The following TRIO variants were observed in gnomAD, a reference collection of about 807,000 sequenced individuals.
The protein encoded by TRIO is triple functional domain protein.
TRIO carries 58 observed loss-of-function variants against 351.9 expected under a neutral mutation model. The ratio of observed to expected loss-of-function variants is 0.16; its 90% CI spans 0.13 to 0.21. TRIO has a LOEUF of 0.21. Ranked by LOEUF, TRIO falls within the 10% of genes least tolerant of loss-of-function variation. The pLI, the probability that TRIO is intolerant of heterozygous loss-of-function variation, is 1.00. For synonymous variants in TRIO, 1,758 were observed against 1,595.7 expected (o/e 1.10, Z -2.42); for missense variants, 3,201 against 4,027.8 (o/e 0.79, Z 5.56).
chr5:14,364,155 C>A (rs1744395904), intron 14 of TRIO, among the ~76,000 whole-genome samples: 1 of 152,198 alleles, frequency 6.6e-6, no homozygotes, highest in African/African-American at 2.4e-5. Flanking sequence ...GTATCATGAA[C>A]TTTAATTCTA....
At chr5:14,189,688 G>C (rs1790341946) in intron 1 of TRIO, among the ~76,000 whole-genome samples, 1 of 151,556 alleles carries the variant, frequency 6.6e-6, no homozygotes, top group South Asian at 2.1e-4. Context: ...TGGGATTGCT[G>C]AGAGCTGAGG....
Position 14,498,649 on chromosome 5 carries a change from C to T in TRIO, c.8332+9C>T, listed in dbSNP as rs201773906. The T allele has an allele frequency of 5.0e-6, 8 of 1,610,890 alleles. No individual in the cohort carries two copies. In the Middle Eastern group the frequency reaches 4.9e-4, roughly 99 times the overall value. On this transcript the variant is annotated intron_variant, in intron 53 of 56. Transcript: ENST00000344204. ...CAGCCTGAGGGTCCTAGGTAAGCAC[C>T]GTGCAACGAGGATTCTACGTGACCC... is the stretch of plus-strand genomic sequence containing the variant.
At chr5:14,174,214 T>C (rs1789273464) in intron 1 of TRIO, among the ~76,000 whole-genome samples, 1 of 152,184 alleles carries the variant, frequency 6.6e-6, no homozygotes, top group Non-Finnish European at 1.5e-5. Flanking sequence ...CATGCAGAGT[T>C]TGCCCTACGC....
At position 14,158,352 on chromosome 5, in the gene TRIO, G is replaced by A. The variant is rs1395624998; in HGVS notation, c.157+14470G>A. 2.6e-5 allele frequency among the ~76,000 whole-genome samples: 4 copies of A among 151,940 alleles called. No individual in the cohort carries two copies. In the East Asian group the frequency reaches 7.8e-4, roughly 29 times the overall value. On this transcript the variant is annotated intron_variant, in intron 1 of 56. Transcript: ENST00000344204. The stretch of plus-strand genomic sequence containing the variant: ...AGGCAGAAGAAGCGCTTGAACCCGG[G>A]AGGCAGAGGGTGCAGTGAACTGAGA...
In TRIO at chr5:14,390,975, A is replaced by G. The variant is rs1266524907; in HGVS notation, c.4203A>G (p.Ala1401=). ...CTACTCAGCTGATATTGGAACATGCAGGGTCCTATTTTGACGTAAGTAATA... is the reference window on the plus strand; with the variant it reads ...CTACTCAGCTGATATTGGAACATGCGGGGTCCTATTTTGACGTAAGTAATA... ...PDSTQLILEH[A]GSYFDEIQQR... The change falls in exon 27 of 57, where the codon GCA becomes GCG. Residue 1401 remains alanine (A), a synonymous_variant. Coordinates refer to ENST00000344204, the MANE Select transcript of TRIO (RefSeq NM_007118.4). The G allele has an allele frequency of 6.2e-7, 1 of 1,609,620 alleles. No homozygotes were observed. Among genetic ancestry groups the G allele is most frequent in the Non-Finnish European group, 8.5e-7 (1 of 1,178,736 alleles).
Position 14,508,374 on chromosome 5 carries a change from C to A in TRIO, c.9246C>A (p.Ile3082=). 1.2e-6 allele frequency: 2 copies of A among 1,613,648 alleles called. No individual in the cohort carries two copies. The highest frequency in any genetic ancestry group is 1.7e-6 in the Non-Finnish European group (2 of 1,179,790). ...AACACCAGAATGATGTTCGACCTATCCGTAGCATTAAAAACTTTCTGCAGA... is the reference window on the plus strand; with the variant it reads ...AACACCAGAATGATGTTCGACCTATACGTAGCATTAAAAACTTTCTGCAGA... The part of the protein sequence containing the change: ...RRKHQNDVRP[I]RSIKNFLQSR... Residue 3082 remains isoleucine, a synonymous_variant, in exon 57 of 57, where the codon ATC becomes ATA. Coordinates refer to ENST00000344204, the MANE Select transcript of TRIO (RefSeq NM_007118.4).
rs116486345 is a variant in TRIO at position 14,249,071 on chromosome 5, C to A, written c.158-21754C>A. On this transcript the variant is annotated intron_variant, in intron 1 of 56. Coordinates refer to ENST00000344204, the MANE Select transcript of TRIO (RefSeq NM_007118.4). Reference sequence around the variant, plus strand: ...GAGGTGCCCATAGGCTGAGAATAGACGGGCAGTCTTGGCAGTGCTAACCTT... The same window carrying A: ...GAGGTGCCCATAGGCTGAGAATAGAAGGGCAGTCTTGGCAGTGCTAACCTT... Among the ~76,000 whole-genome samples the A allele has an allele frequency of 7.1e-3, 1,085 of 152,272 alleles. 9 individuals are homozygous for A. Among genetic ancestry groups the A allele is most frequent in the African/African-American group, 0.025 (1,021 of 41,536 alleles).
chr5:14,263,017 A>G (rs1244362616), intron 1 of TRIO, among the ~76,000 whole-genome samples: 1 of 152,044 alleles, frequency 6.6e-6, no homozygotes, highest in Non-Finnish European at 1.5e-5. Flanking sequence ...ACATCTATTG[A>G]TGCTGCTTGC....
rs1756932990 is a variant in TRIO, at chr5:14,496,922, T to C, written c.7924T>C (p.Ser2642Pro). 6.2e-7 allele frequency: 1 copy of C among 1,613,776 alleles called. No homozygotes were observed. Among genetic ancestry groups the C allele is most frequent in the Non-Finnish European group, 8.5e-7 (1 of 1,179,978 alleles). ...WHTALRLRKK[S>P]EKKDKDGKRE... ...CACAGCACTCCGTTTAAGGAAAAAA[T>C]CTGAGAAAAAAGATAAAGACGGCAA... Residue 2642 changes from serine to proline, a missense_variant, in exon 50 of 57, where the codon TCT (serine) becomes CCT (proline). Physicochemically the swap from Ser to Pro is moderately conservative, Grantham distance 74. Around this residue, in one of 19 missense-constraint regions of TRIO, gnomAD observed 1,089 missense variants for 954.9 expected, o/e 1.14. Coordinates refer to ENST00000344204, the MANE Select transcript of TRIO (RefSeq NM_007118.4).
Position 14,297,173 on chromosome 5 carries a change from G to A in TRIO, c.1278G>A (p.Leu426=). The change falls in exon 7 of 57, where the codon CTG becomes CTA. Residue 426 remains leucine, a synonymous_variant. Coordinates refer to ENST00000344204, the MANE Select transcript of TRIO (RefSeq NM_007118.4). The stretch of plus-strand genomic sequence containing the variant: ...AGATCAGGCAGATCGCGAGTCAGCT[G>A]GAGCAGGAGTGGAAGGCGTTTGCGG... ...SQQIRQIASQ[L]EQEWKAFAAA... 6.2e-7 allele frequency: 1 copy of A among 1,614,224 alleles called. No homozygotes were observed. The highest frequency in any genetic ancestry group is 8.5e-7 in the Non-Finnish European group (1 of 1,180,036).
intron 11 of TRIO, among the ~76,000 whole-genome samples, chr5:14,337,911 T>G (rs1170925710): frequency 6.6e-6 from 1 of 152,210 alleles, no homozygotes; most frequent in African/African-American, 2.4e-5. Context: ...GCCAAGGGGC[T>G]GGTGCTTCTT....
chr5:14,378,455 T>C (rs549148400), intron 20 of TRIO, among the ~76,000 whole-genome samples: 59 of 152,356 alleles, frequency 3.9e-4, no homozygotes, highest in African/African-American at 1.3e-3. Flanking sequence ...ATGATGGATT[T>C]TTTTTTATAT....
chr5:14,275,882 A>ATG (rs777946226), intron 2 of TRIO, among the ~76,000 whole-genome samples: 1 of 145,364 alleles, frequency 6.9e-6, no homozygotes, highest in Non-Finnish European at 1.5e-5. Context: ...ATATATATAT[A>ATG]TGTTTATATA....
intron 1 of TRIO, among the ~76,000 whole-genome samples, chr5:14,249,012 G>T (rs114527742): frequency 6.6e-6 from 1 of 152,198 alleles, no homozygotes; most frequent in Non-Finnish European, 1.5e-5. Flanking sequence ...CAACACAGGG[G>T]TCCAGGTGAG....
At chr5:14,363,153 C>G (rs531450723) in intron 13 of TRIO, among the ~76,000 whole-genome samples, 38 of 152,224 alleles carry the variant, frequency 2.5e-4, no homozygotes, top group African/African-American at 7.7e-4. Flanking sequence ...CACATGCCAC[C>G]ACGCCCAGCT....
chr5:14,169,502 C>T (rs1788974808), intron 1 of TRIO, among the ~76,000 whole-genome samples: 1 of 152,142 alleles, frequency 6.6e-6, no homozygotes, highest in African/African-American at 2.4e-5. Flanking sequence ...ATAACTTGCC[C>T]AGTTTCATAA....
At chr5:14,406,147 C>G (rs1429464276) in intron 32 of TRIO, 157 bp downstream of exon 32, 7 of 1,112,652 alleles carry the variant, frequency 6.3e-6, no homozygotes, top group African/African-American at 1.6e-5. Context: ...AGTAATGAAA[C>G]TGCTTTGTCA....
chr5:14,443,456 G>A (rs1358945857), intron 34 of TRIO, among the ~76,000 whole-genome samples: 1 of 152,080 alleles, frequency 6.6e-6, no homozygotes, highest in Non-Finnish European at 1.5e-5. Flanking sequence ...ATTGATTATG[G>A]GGAAATACAT....
At chr5:14,357,853 G>A (rs760356805) in intron 11 of TRIO, among the ~76,000 whole-genome samples, 1 of 152,204 alleles carries the variant, frequency 6.6e-6, no homozygotes, top group Non-Finnish European at 1.5e-5. Context: ...ACTGCAGTCT[G>A]GATTGAGCCT....
Sources: allele counts gnomAD v4.1 joint callset (sites outside exome capture counted in the v4.1 genomes callset), GRCh38; gene constraint gnomAD v4.1.1; regional missense constraint gnomAD v4.1.1; transcripts MANE v1.5; gene names NCBI Gene and HGNC (gene_info 2026-07-23, HGNC 2026-07-21).